Variants in MLF1 observed in about 807,000 individuals in gnomAD.
The protein encoded by MLF1 is myeloid leukemia factor 1.
Under a neutral mutation model 38.3 loss-of-function variants are expected in MLF1, and 37 were observed. The observed-to-expected ratio is 0.96, with a 90% CI of 0.74 to 1.27. MLF1 has a LOEUF of 1.27. MLF1 is among the 50% of genes most tolerant of loss of function. The pLI is 0.00. For missense variants in MLF1, 331 were observed against 349.2 expected, an observed-to-expected ratio of 0.95 and a Z score of 0.42; for synonymous variants, 95 against 106.5, an observed-to-expected ratio of 0.89 and a Z score of 0.66.
rs560953548 is a variant in MLF1 at position 158,599,177 on chromosome 3, G to A, written c.454-837G>A. 5.3e-5 allele frequency among the ~76,000 whole-genome samples: 8 copies of A among 152,318 alleles called. No individual in the cohort carries two copies. The South Asian group carries it at 6.2e-4, about 12-fold the overall frequency. ...TTTCTGTCAATAGATATGTAGGTGAGTCTAATCTTTCACTAATTCATCTTT... is the reference window on the plus strand; with the variant it reads ...TTTCTGTCAATAGATATGTAGGTGAATCTAATCTTTCACTAATTCATCTTT... On this transcript the variant is annotated intron_variant, in intron 5 of 7. Coordinates refer to ENST00000466246, the MANE Select transcript of MLF1 (RefSeq NM_001369783.1).
chr3:158,603,925 T>G (rs1352641402), intron 7 of MLF1, among the ~76,000 whole-genome samples: 1 of 152,202 alleles, frequency 6.6e-6, no homozygotes, highest in Non-Finnish European at 1.5e-5. Flanking sequence ...CTCAGAGGAA[T>G]AAATGGATAA....
Position 158,593,431 on chromosome 3 carries a change from G to A in MLF1, c.240+5G>A, listed in dbSNP as rs190012794. 19 of 1,554,130 alleles carry A rather than the reference G, an allele frequency of 1.2e-5. No individual in the cohort carries two copies. The highest frequency in any genetic ancestry group is 9.5e-5 in the African/African-American group (7 of 74,038). On this transcript the variant is annotated splice_donor_5th_base_variant and intron_variant, in intron 3 of 7. Transcript: ENST00000466246. ...TTTGGCGATTTTGGTGGTATGGTTCGTATCTTAAGACACAAATCATTTTAG... is the reference window on the plus strand; with the variant it reads ...TTTGGCGATTTTGGTGGTATGGTTCATATCTTAAGACACAAATCATTTTAG...
At chr3:158,582,145 A>C (rs1315954754) in intron 1 of MLF1, among the ~76,000 whole-genome samples, 1 of 152,008 alleles carries the variant, frequency 6.6e-6, no homozygotes, top group African/African-American at 2.4e-5. Context: ...GTGCCATTGC[A>C]CTCCAGCCTG....
chr3:158,601,116 T>C (rs904812054), intron 6 of MLF1, among the ~76,000 whole-genome samples: 4 of 152,098 alleles, frequency 2.6e-5, no homozygotes, highest in African/African-American at 9.7e-5. Flanking sequence ...TAATAGAGTG[T>C]TTAAATTTTA....
intron 5 of MLF1, 106 bp downstream of exon 5, chr3:158,598,314 G>A (rs1391116627): frequency 4.5e-6 from 5 of 1,105,534 alleles, no homozygotes; most frequent in Non-Finnish European, 6.2e-6. Flanking sequence ...AGATGGTGGG[G>A]GGACAGGAGG....
intron 1 of MLF1, among the ~76,000 whole-genome samples, chr3:158,574,559 C>T (rs1391127446): frequency 6.7e-6 from 1 of 148,160 alleles, no homozygotes; most frequent in Admixed American, 6.7e-5. Flanking sequence ...TGACACACAC[C>T]TATACTCCCA....
chr3:158,571,439 G>A, intron 1 of MLF1, 92 bp downstream of exon 1: 1 of 1,503,270 alleles, frequency 6.7e-7, no homozygotes, highest in Non-Finnish European at 9.2e-7. Context: ...TTTAGAGGGC[G>A]AGAGAGAATT....
At chr3:158,591,766 C>A (rs1201756009) in intron 1 of MLF1, among the ~76,000 whole-genome samples, 4 of 151,940 alleles carry the variant, frequency 2.6e-5, no homozygotes, top group Non-Finnish European at 4.4e-5. Context: ...AATTTAGGTT[C>A]TTTAATGAGA....
In MLF1 at chr3:158,584,922, C is replaced by T. The variant is rs374810932; in HGVS notation, c.48-7512C>T. ...GCACAGTGGTGCACATCTGTAGTTT[C>T]AGCTACTAGGGAGGCTGAGGTGGGA... On this transcript the variant is annotated intron_variant, in intron 1 of 7. Coordinates refer to ENST00000466246, the MANE Select transcript of MLF1 (RefSeq NM_001369783.1). 7.4e-4 allele frequency among the ~76,000 whole-genome samples: 111 copies of T among 150,486 alleles called. 3 individuals are homozygous for T. The South Asian group carries it at 0.022, about 30-fold the overall frequency.
intron 1 of MLF1, among the ~76,000 whole-genome samples, chr3:158,585,629 T>C (rs889641786): frequency 5.9e-5 from 9 of 151,940 alleles, no homozygotes; most frequent in African/African-American, 9.7e-5. Context: ...TTTAGAAAAA[T>C]GAGTTAAGCA....
chr3:158,587,473 C>T (rs1195612736), intron 1 of MLF1, among the ~76,000 whole-genome samples: 1 of 152,138 alleles, frequency 6.6e-6, no homozygotes, highest in East Asian at 1.9e-4. Flanking sequence ...ATCTGTGACA[C>T]TCAGAAGCTC....
intron 1 of MLF1, among the ~76,000 whole-genome samples, chr3:158,580,191 T>A (rs909366581): frequency 6.6e-6 from 1 of 151,992 alleles, no homozygotes; most frequent in Non-Finnish European, 1.5e-5. Context: ...CATACTGGAC[T>A]TAATACCTAG....
chr3:158,589,496 C>T (rs1162200177), intron 1 of MLF1, among the ~76,000 whole-genome samples: 2 of 152,286 alleles, frequency 1.3e-5, no homozygotes, highest in East Asian at 3.9e-4. Context: ...AGGCATGAGC[C>T]ACCGCGCCCA....
chr3:158,576,415 G>C (rs1715431968), intron 1 of MLF1, among the ~76,000 whole-genome samples: 1 of 152,140 alleles, frequency 6.6e-6, no homozygotes, highest in Non-Finnish European at 1.5e-5. Flanking sequence ...CATATGTATA[G>C]ACAAGAGGAT....
chr3:158,595,141 G>GA (rs1265399147), intron 3 of MLF1, among the ~76,000 whole-genome samples: 2 of 152,110 alleles, frequency 1.3e-5, no homozygotes, highest in Non-Finnish European at 2.9e-5. Context: ...GATAGTCACA[G>GA]TACCCTGAAG....
rs370800517 is a variant in MLF1, at chr3:158,572,545, G to A, written c.47+1198G>A. Reference sequence around the variant, plus strand: ...AGGGTTGGGGAGAAGGGTTGAGGGCGTGAGTTGGTGGGAAGGGCTTGAGAG... The same window carrying A: ...AGGGTTGGGGAGAAGGGTTGAGGGCATGAGTTGGTGGGAAGGGCTTGAGAG... On this transcript the variant is annotated intron_variant, in intron 1 of 7. Coordinates refer to ENST00000466246, the MANE Select transcript of MLF1 (RefSeq NM_001369783.1). Among the ~76,000 whole-genome samples, 7 of 137,054 alleles carry A rather than the reference G, an allele frequency of 5.1e-5. No individual in the cohort carries two copies. In the East Asian group the frequency reaches 1.1e-3, roughly 22 times the overall value. 89.9% of individuals were successfully genotyped at this position (137,054 alleles called of 152,430 possible).
At chr3:158,573,847 C>A (rs1184284585) in intron 1 of MLF1, among the ~76,000 whole-genome samples, 1 of 152,146 alleles carries the variant, frequency 6.6e-6, no homozygotes, top group East Asian at 1.9e-4. Context: ...CTGTGTTGCC[C>A]AGGCTAGAGT....
At chr3:158,598,747 C>T (rs866761531) in intron 5 of MLF1, among the ~76,000 whole-genome samples, 2 of 152,166 alleles carry the variant, frequency 1.3e-5, no homozygotes, top group Non-Finnish European at 2.9e-5. Flanking sequence ...GTTAAACCTT[C>T]TAATACATTC....
intron 2 of MLF1, 51 bp from the exon 3 acceptor site, chr3:158,593,322 ATTGAGAAAC>A (rs769278127): frequency 1.5e-5 from 19 of 1,297,156 alleles, no homozygotes; most frequent in Non-Finnish European, 2.0e-5. Flanking sequence ...TAATTGGTAA[ATTGAGAAAC>A]TTCTATATAA....
Sources: allele counts gnomAD v4.1 joint callset (sites outside exome capture counted in the v4.1 genomes callset), GRCh38; gene constraint gnomAD v4.1.1; transcripts MANE v1.5; gene names NCBI Gene and HGNC (gene_info 2026-07-23, HGNC 2026-07-21).